The following RBFOX1 variants were observed in gnomAD, a reference collection of about 807,000 sequenced individuals.
The protein encoded by RBFOX1 is RNA binding protein fox-1 homolog 1.
Under a neutral mutation model 57.7 loss-of-function variants are expected in RBFOX1, and 8 were observed. The observed-to-expected ratio is 0.14, with a 90% CI of 0.08 to 0.25. RBFOX1 has a LOEUF of 0.25. Ranked by LOEUF, RBFOX1 falls within the 10% of genes least tolerant of loss-of-function variation. RBFOX1 has a pLI of 1.00. For missense variants in RBFOX1, 611 were observed against 548.5 expected (o/e 1.11, Z -1.14); for synonymous variants, 326 against 222.4 (o/e 1.47, Z -4.15).
At chr16:5,615,746 C>T (rs566696373) in intron 3 of RBFOX1, among the ~76,000 whole-genome samples, 1 of 152,262 alleles carries the variant, frequency 6.6e-6, no homozygotes, top group Non-Finnish European at 1.5e-5. Context: ...ACTTGGGGGA[C>T]CCCGTTAGGA....
At chr16:5,424,142 T>C (rs1309381670) in intron 1 of RBFOX1, among the ~76,000 whole-genome samples, 2 of 152,224 alleles carry the variant, frequency 1.3e-5, no homozygotes, top group South Asian at 2.1e-4. Flanking sequence ...TCATGGTTAA[T>C]AAACTAAAGA....
chr16:7,132,761 T>C (rs1055029034), intron 4 of RBFOX1, among the ~76,000 whole-genome samples: 1 of 152,150 alleles, frequency 6.6e-6, no homozygotes, highest in Non-Finnish European at 1.5e-5. Flanking sequence ...ATTTCACTTA[T>C]ATAGCTATTT....
At chr16:7,451,903 A>T (rs2098866007) in intron 4 of RBFOX1, among the ~76,000 whole-genome samples, 1 of 152,130 alleles carries the variant, frequency 6.6e-6, no homozygotes, top group Non-Finnish European at 1.5e-5. Flanking sequence ...TAATTGTTGC[A>T]TGTGCCAGCA....
At chr16:7,527,826 G>A (rs148130387) in intron 5 of RBFOX1, among the ~76,000 whole-genome samples, 72 of 152,124 alleles carry the variant, frequency 4.7e-4, no homozygotes, top group Admixed American at 7.9e-4. Flanking sequence ...AAATCAGAGC[G>A]GTCTCCTTGG....
chr16:7,534,595 G>A (rs1284033153), intron 5 of RBFOX1, among the ~76,000 whole-genome samples: 5 of 152,098 alleles, frequency 3.3e-5, no homozygotes, highest in Admixed American at 6.5e-5. Flanking sequence ...GGGTAAAGTC[G>A]TTAGTGCGTC....
chr16:6,962,256 C>T (rs117631406), intron 3 of RBFOX1, among the ~76,000 whole-genome samples: 1 of 152,116 alleles, frequency 6.6e-6, no homozygotes, highest in African/African-American at 2.4e-5. Context: ...CCTCCCTCTC[C>T]TTTCTCTTAC....
chr16:7,135,077 C>G (rs1316408832), intron 4 of RBFOX1, among the ~76,000 whole-genome samples: 1 of 152,074 alleles, frequency 6.6e-6, no homozygotes, highest in East Asian at 1.9e-4. Flanking sequence ...TAAAACTTCA[C>G]ATTTGGTAAA....
intron 1 of RBFOX1, among the ~76,000 whole-genome samples, chr16:6,195,586 G>A (rs897075414): frequency 6.6e-6 from 1 of 152,114 alleles, no homozygotes; most frequent in South Asian, 2.1e-4. Context: ...AGGCGTGGTG[G>A]CACGTGCCTG....
intron 3 of RBFOX1, among the ~76,000 whole-genome samples, chr16:5,753,959 T>G (rs1444443379): frequency 6.6e-6 from 1 of 152,188 alleles, no homozygotes; most frequent in Non-Finnish European, 1.5e-5. Flanking sequence ...TATTTGGTAA[T>G]TATCTAGCCT....
chr16:7,083,674 C>T (rs1214472420), intron 4 of RBFOX1, among the ~76,000 whole-genome samples: 3 of 152,134 alleles, frequency 2.0e-5, no homozygotes, highest in African/African-American at 7.2e-5. Context: ...ATTCTTATCC[C>T]TATCAGGCAA....
At chr16:6,947,036 C>G (rs1361343299) in intron 3 of RBFOX1, among the ~76,000 whole-genome samples, 1 of 152,192 alleles carries the variant, frequency 6.6e-6, no homozygotes, top group African/African-American at 2.4e-5. Context: ...CTCTCCTGGC[C>G]TCAGGCTCCT....
At chr16:5,722,489 C>T (rs570521915) in intron 3 of RBFOX1, among the ~76,000 whole-genome samples, 1 of 152,316 alleles carries the variant, frequency 6.6e-6, no homozygotes, top group Non-Finnish European at 1.5e-5. Flanking sequence ...GCGCGATCAT[C>T]TATCCCCGTG....
chr16:5,758,659 G>T (rs1042471908), intron 3 of RBFOX1, among the ~76,000 whole-genome samples: 2 of 152,194 alleles, frequency 1.3e-5, no homozygotes, highest in African/African-American at 4.8e-5. Context: ...TATGAGCACA[G>T]TTCTGGTGAT....
rs1428247916 is a variant in RBFOX1, at chr16:6,346,280, C to T, written c.-64+29223C>T. On this transcript the variant is annotated intron_variant, in intron 2 of 15. Coordinates refer to ENST00000550418, the MANE Select transcript of RBFOX1 (RefSeq NM_018723.4). The stretch of plus-strand genomic sequence containing the variant: ...GAATAGAAGCGGCCAGAAGGTACTG[C>T]TGTAGATAGTGTTGTTAAATTTAAC... 2.6e-5 allele frequency among the ~76,000 whole-genome samples: 4 copies of T among 152,152 alleles called. No individual in the cohort carries two copies. The South Asian group carries it at 6.2e-4, about 24-fold the overall frequency.
At chr16:7,001,404 A>T (rs769490137) in intron 3 of RBFOX1, among the ~76,000 whole-genome samples, 4,244 of 42,866 alleles carry the variant, frequency 0.099, 97 homozygotes, top group Non-Finnish European at 0.13. Context: ...GTATTTGTAT[A>T]TGTATATGTA....
At chr16:6,931,790 T>C (rs978656649) in intron 3 of RBFOX1, among the ~76,000 whole-genome samples, 18 of 152,104 alleles carry the variant, frequency 1.2e-4, no homozygotes, top group Non-Finnish European at 1.9e-4. Flanking sequence ...GGGTAATTTA[T>C]AAAGAAAAAT....
At chr16:6,841,303 G>C (rs765362177) in intron 3 of RBFOX1, among the ~76,000 whole-genome samples, 13 of 152,100 alleles carry the variant, frequency 8.5e-5, no homozygotes, top group Non-Finnish European at 1.6e-4. Context: ...ATTAGATTTT[G>C]TTTACATGTT....
intron 1 of RBFOX1, among the ~76,000 whole-genome samples, chr16:5,329,486 G>C (rs978499545): frequency 6.6e-6 from 1 of 152,142 alleles, no homozygotes; most frequent in African/African-American, 2.4e-5. Context: ...GCTCCCACCA[G>C]GCCCCACCTC....
chr16:7,160,123 T>G (rs781754573), intron 4 of RBFOX1, among the ~76,000 whole-genome samples: 18 of 152,196 alleles, frequency 1.2e-4, no homozygotes, highest in Non-Finnish European at 1.9e-4. Context: ...ATATTATCCC[T>G]TTCATAATTT....
Sources: allele counts gnomAD v4.1 joint callset (sites outside exome capture counted in the v4.1 genomes callset), GRCh38; gene constraint gnomAD v4.1.1; transcripts MANE v1.5; gene names NCBI Gene and HGNC (gene_info 2026-07-23, HGNC 2026-07-21).